Variants in PDE4D observed in about 807,000 individuals in gnomAD.
The protein encoded by PDE4D is phosphodiesterase 4D.
Under a neutral mutation model 87.4 loss-of-function variants are expected in PDE4D, and 24 were observed. The ratio of observed to expected loss-of-function variants is 0.27; its 90% CI spans 0.20 to 0.39. PDE4D has a LOEUF of 0.39. Ranked by LOEUF, PDE4D falls within the 10% of genes least tolerant of loss-of-function variation. PDE4D has a pLI of 1.00. For missense variants in PDE4D, 714 were observed against 1,041.0 expected, an observed-to-expected ratio of 0.69 and a Z score of 4.32; for synonymous variants, 384 against 383.2, an observed-to-expected ratio of 1.00 and a Z score of -0.02.
intron 5 of PDE4D, among the ~76,000 whole-genome samples, chr5:59,113,430 G>A (rs1275141647): frequency 6.6e-6 from 1 of 152,110 alleles, no homozygotes; most frequent in East Asian, 1.9e-4. Flanking sequence ...TTGATGGTAT[G>A]TTTTTTGCCT....
At chr5:60,043,246 A>G (rs1248607572) in intron 2 of PDE4D, among the ~76,000 whole-genome samples, 1 of 151,964 alleles carries the variant, frequency 6.6e-6, no homozygotes, top group Non-Finnish European at 1.5e-5. Flanking sequence ...AAGATTAGAG[A>G]AAAAAGAATG....
chr5:59,949,692 C>T (rs1390926195), intron 3 of PDE4D, among the ~76,000 whole-genome samples: 1 of 152,100 alleles, frequency 6.6e-6, no homozygotes, highest in African/African-American at 2.4e-5. Flanking sequence ...TAAGAAAAAA[C>T]TTCCCCATAA....
At chr5:59,391,425 G>T (rs1788218996) in intron 1 of PDE4D, among the ~76,000 whole-genome samples, 1 of 152,024 alleles carries the variant, frequency 6.6e-6, no homozygotes, top group Non-Finnish European at 1.5e-5. Flanking sequence ...CCCACATTTA[G>T]ATCAAATTGA....
At chr5:60,413,831 G>C (rs933667794) in intron 1 of PDE4D, among the ~76,000 whole-genome samples, 1 of 150,700 alleles carries the variant, frequency 6.6e-6, no homozygotes, top group African/African-American at 2.4e-5. Flanking sequence ...TAATCTTAAT[G>C]TAACTACTAT....
intron 1 of PDE4D, among the ~76,000 whole-genome samples, chr5:60,302,581 A>G (rs1754000230): frequency 1.3e-5 from 2 of 152,004 alleles, no homozygotes; most frequent in South Asian, 4.1e-4. Context: ...TAGTCTAGCT[A>G]GCAGTCTCTT....
chr5:60,229,259 T>C lies in PDE4D; in HGVS notation c.-89-43572A>G, dbSNP rs555213407. Among the ~76,000 whole-genome samples the C allele has an allele frequency of 5.8e-4, 89 of 152,262 alleles. 2 individuals are homozygous for C. Among genetic ancestry groups the C allele is most frequent in the Non-Finnish European group, 1.2e-4 (8 of 67,996 alleles). On this transcript the variant is annotated intron_variant, in intron 1 of 16. Transcript: ENST00000502484. ...TATTCACTTCAGAACTTTGGTCCTC[T>C]TTTAAGAGCAATCTTTAGCCAGTAT... is the stretch of plus-strand genomic sequence containing the variant.
intron 1 of PDE4D, among the ~76,000 whole-genome samples, chr5:59,516,799 A>G (rs1451856547): frequency 6.6e-6 from 1 of 152,188 alleles, no homozygotes; most frequent in East Asian, 1.9e-4. Flanking sequence ...TAATTAAAAA[A>G]TTAGTATCAT....
At chr5:59,902,770 C>T (rs7708877) in intron 3 of PDE4D, among the ~76,000 whole-genome samples, 36,916 of 151,702 alleles carry the variant, frequency 0.24, 6,850 homozygotes, top group African/African-American at 0.52. Flanking sequence ...AGTTGAATAT[C>T]TCATTTCAGA....
chr5:60,401,878 T>A (rs184796959), intron 1 of PDE4D, among the ~76,000 whole-genome samples: 1 of 152,362 alleles, frequency 6.6e-6, no homozygotes, highest in East Asian at 1.9e-4. Context: ...CCCTGCTGCA[T>A]CTTAATAAGA....
chr5:59,113,864 A>G (rs145778244), intron 5 of PDE4D, among the ~76,000 whole-genome samples: 22 of 152,350 alleles, frequency 1.4e-4, no homozygotes, highest in African/African-American at 5.3e-4. Context: ...AAGTCCTTAA[A>G]GAGTGTGGCA....
chr5:60,406,577 G>C (rs1010929941), intron 1 of PDE4D, among the ~76,000 whole-genome samples: 1 of 152,150 alleles, frequency 6.6e-6, no homozygotes, highest in Non-Finnish European at 1.5e-5. Context: ...CAGAGTTGCT[G>C]CCACATTCCT....
At position 60,512,485 on chromosome 5, in the gene PDE4D, T is replaced by G. The variant is rs147170155; in HGVS notation, n.70+9566A>C. ...ACTTTATACTAAATATCTATAAACT[T>G]TAAATCCCATTAAAAAAAGAAGTAT... On this transcript the variant is annotated intron_variant and non_coding_transcript_variant, in intron 1 of 2. Transcript: ENST00000506510. Among the ~76,000 whole-genome samples the G allele has an allele frequency of 5.5e-4, 83 of 152,268 alleles. 1 individual carries two copies. In the East Asian group the frequency reaches 0.014, roughly 26 times the overall value.
chr5:58,980,158 G>A (rs1205919143), intron 11 of PDE4D, among the ~76,000 whole-genome samples: 11 of 152,326 alleles, frequency 7.2e-5, no homozygotes, highest in Middle Eastern at 3.4e-3. Flanking sequence ...GTAAGTCTTT[G>A]TGTCCTTGGG....
At chr5:60,274,171 G>A (rs962389130) in intron 1 of PDE4D, among the ~76,000 whole-genome samples, 1 of 72,300 alleles carries the variant, frequency 1.4e-5, no homozygotes, top group East Asian at 2.0e-4. Context: ...ATTGATGATG[G>A]GGGTAGAGAA....
intron 5 of PDE4D, among the ~76,000 whole-genome samples, chr5:59,166,004 T>C (rs1245527557): frequency 6.6e-6 from 1 of 152,158 alleles, no homozygotes; most frequent in East Asian, 1.9e-4. Flanking sequence ...TCAAACCTCG[T>C]CCTCCAGCAC....
chr5:59,266,879 G>A (rs1762943527), intron 1 of PDE4D, among the ~76,000 whole-genome samples: 1 of 152,004 alleles, frequency 6.6e-6, no homozygotes, highest in Admixed American at 6.6e-5. Context: ...CAACAAATAT[G>A]GGATGTAGTT....
chr5:59,949,753 C>G (rs1403595876), intron 3 of PDE4D, among the ~76,000 whole-genome samples: 1 of 152,210 alleles, frequency 6.6e-6, no homozygotes, highest in Non-Finnish European at 1.5e-5. Context: ...TATCTACTCT[C>G]TAAATCCAGC....
At chr5:59,262,695 C>T (rs1762222227) in intron 1 of PDE4D, among the ~76,000 whole-genome samples, 1 of 151,844 alleles carries the variant, frequency 6.6e-6, no homozygotes, top group Admixed American at 6.6e-5. Context: ...AAGATGCACA[C>T]AATGAGGTTA....
intron 2 of PDE4D, among the ~76,000 whole-genome samples, chr5:60,048,412 T>C (rs1769601618): frequency 6.6e-6 from 1 of 152,190 alleles, no homozygotes; most frequent in African/African-American, 2.4e-5. Flanking sequence ...GTCATTACGA[T>C]GTTAGCTGGC....
Sources: gnomAD v4.1 joint callset for allele counts (sites outside exome capture counted in the v4.1 genomes callset) on GRCh38, gnomAD v4.1.1 for gene constraint, MANE v1.5 for transcripts, NCBI Gene and HGNC (gene_info 2026-07-23, HGNC 2026-07-21) for gene names.